AASS: variants seen among roughly 807,000 people sequenced by gnomAD.
The protein encoded by AASS is alpha-aminoadipic semialdehyde synthase, mitochondrial.
AASS carries 86 observed loss-of-function variants against 105.4 expected under a neutral mutation model. The ratio of observed to expected loss-of-function variants is 0.82; its 90% CI spans 0.69 to 0.98. AASS has a LOEUF of 0.98. Among genes scored for constraint, AASS ranks in the 50% least tolerant of loss-of-function variants. The probability of loss-of-function intolerance (pLI) is 0.00; values close to 1 mark genes in which losing one functional copy is unlikely to be tolerated. For missense variants in AASS, 1,048 were observed against 1,143.2 expected, an observed-to-expected ratio of 0.92 and a Z score of 1.20; for synonymous variants, 381 against 394.8, an observed-to-expected ratio of 0.96 and a Z score of 0.41.
intron 4 of AASS, among the ~76,000 whole-genome samples, chr7:122,123,205 C>G (rs1162253730): frequency 6.6e-6 from 1 of 152,186 alleles, no homozygotes; most frequent in East Asian, 1.9e-4. Flanking sequence ...TTCTGCATAG[C>G]TCCTCACTGT....
At chr7:122,116,385 T>C (rs1209056275) in intron 8 of AASS, among the ~76,000 whole-genome samples, 2 of 152,140 alleles carry the variant, frequency 1.3e-5, no homozygotes, top group Non-Finnish European at 2.9e-5. Flanking sequence ...ATTGGGCACA[T>C]GTAGACCTGA....
At chr7:122,133,232 G>A (rs970769963) in intron 2 of AASS, among the ~76,000 whole-genome samples, 1 of 152,096 alleles carries the variant, frequency 6.6e-6, no homozygotes, top group Non-Finnish European at 1.5e-5. Flanking sequence ...GGCAGGCAAG[G>A]TACATTCTCA....
chr7:122,139,106 C>G (rs1796275154), intron 1 of AASS, among the ~76,000 whole-genome samples: 1 of 152,188 alleles, frequency 6.6e-6, no homozygotes, highest in African/African-American at 2.4e-5. Context: ...AATATAAAAA[C>G]AGCTAGTCAT....
chr7:122,089,664 T>C (rs1364912246), intron 18 of AASS, among the ~76,000 whole-genome samples: 1 of 152,148 alleles, frequency 6.6e-6, no homozygotes, highest in East Asian at 1.9e-4. Flanking sequence ...CCTCACTGAC[T>C]AAGAACACTG....
intron 4 of AASS, among the ~76,000 whole-genome samples, chr7:122,125,260 T>A (rs1168690667): frequency 3.3e-5 from 5 of 152,158 alleles, no homozygotes; most frequent in African/African-American, 1.2e-4. Flanking sequence ...AATTTCACAT[T>A]TTTGCTTAGA....
At position 122,079,668 on chromosome 7, in the gene AASS, C is replaced by T. The variant is rs1270711081; in HGVS notation, c.2325G>A (p.Glu775=). 1.9e-6 allele frequency: 3 copies of T among 1,613,936 alleles called. No individual in the cohort carries two copies. The highest frequency in any genetic ancestry group is 2.5e-6 in the Non-Finnish European group (3 of 1,179,906). Reference sequence around the variant, plus strand: ...GAACAGCTTCCTTCAACACATCATGCTCAGAGGAGGGTGAAATCCCAACTA... The same window carrying T: ...GAACAGCTTCCTTCAACACATCATGTTCAGAGGAGGGTGAAATCCCAACTA... ...CDLVGISPSS[E]HDVLKEAVLK... is the part of the protein sequence containing the mutation. The change falls in exon 21 of 24, where the codon GAG becomes GAA. Residue 775 remains glutamate, a synonymous_variant. Coordinates refer to ENST00000417368, the MANE Select transcript of AASS (RefSeq NM_005763.4).
At chr7:122,107,998 T>C (rs932324581) in intron 11 of AASS, among the ~76,000 whole-genome samples, 3 of 144,890 alleles carry the variant, frequency 2.1e-5, no homozygotes, top group African/African-American at 7.6e-5. Context: ...TTACAACTTA[T>C]ACCACAGAAA....
In AASS at chr7:122,098,957, A is replaced by G. The variant is rs1307209686; in HGVS notation, c.1407-91T>C. 3.0e-6 allele frequency: 4 copies of G among 1,327,378 alleles called. No individual in the cohort carries two copies. In the African/African-American group the frequency reaches 6.0e-5, roughly 20 times the overall value. 82.2% of individuals were successfully genotyped at this position (1,327,378 alleles called of 1,614,324 possible). ...CAGAATCTTGCATTCCACAAATCATACTAAAACCTAAATAATGAAGCAACA... is the reference window on the plus strand; with the variant it reads ...CAGAATCTTGCATTCCACAAATCATGCTAAAACCTAAATAATGAAGCAACA... On this transcript the variant is annotated intron_variant, in intron 13 of 23. Transcript: ENST00000417368.
intron 19 of AASS, among the ~76,000 whole-genome samples, chr7:122,085,071 C>T (rs1793558478): frequency 6.6e-6 from 1 of 152,080 alleles, no homozygotes; most frequent in South Asian, 2.1e-4. Context: ...TTAGGGTGAA[C>T]CCTAAGTCCA....
chr7:122,121,588 CT>C (rs1795442005), intron 4 of AASS, among the ~76,000 whole-genome samples: 1 of 152,060 alleles, frequency 6.6e-6, no homozygotes, highest in Non-Finnish European at 1.5e-5. Context: ...AGAGATGGGA[CT>C]TCATCGTGTG....
At position 122,098,453 on chromosome 7, in the gene AASS, A is replaced by G. The variant is rs1442777174; in HGVS notation, c.1652T>C (p.Ile551Thr). 1 of 1,612,002 alleles carries G rather than the reference A, an allele frequency of 6.2e-7. No individual in the cohort carries two copies. Among genetic ancestry groups the G allele is most frequent in the Non-Finnish European group, 8.5e-7 (1 of 1,178,700 alleles). The change falls in exon 15 of 24, where the codon ATC (isoleucine) becomes ACC (threonine). Residue 551 changes from isoleucine to threonine, a missense_variant. By Grantham distance (89) the Ile-to-Thr change is moderately conservative. Coordinates refer to ENST00000417368, the MANE Select transcript of AASS (RefSeq NM_005763.4). ...GFLVAKQDLV[I>T]SLLPYVLHPL... ...TCATTTCTTGCCAGATACTGACCTG[A>G]TGACAAGATCCTGTTTTGCCACCAA...
intron 2 of AASS, among the ~76,000 whole-genome samples, chr7:122,132,299 G>A (rs187868811): frequency 5.5e-4 from 83 of 152,246 alleles, no homozygotes; most frequent in Non-Finnish European, 1.1e-3. Context: ...TGGAGGAGTG[G>A]AAGAGAAAGA....
intron 11 of AASS, among the ~76,000 whole-genome samples, chr7:122,106,590 A>C (rs1794677155): frequency 6.6e-6 from 1 of 152,132 alleles, no homozygotes; most frequent in African/African-American, 2.4e-5. Context: ...AGAGAGCTCA[A>C]AAATAAGGCC....
chr7:122,130,323 A>G (rs1314211537), intron 2 of AASS, among the ~76,000 whole-genome samples: 1 of 152,068 alleles, frequency 6.6e-6, no homozygotes, highest in African/African-American at 2.4e-5. Flanking sequence ...TTGAAGGCAT[A>G]TATAAAAATA....
chr7:122,132,945 C>A (rs1795976861), intron 2 of AASS, among the ~76,000 whole-genome samples: 1 of 152,032 alleles, frequency 6.6e-6, no homozygotes, highest in Non-Finnish European at 1.5e-5. Context: ...GGAATCTGAA[C>A]ATAGACTATA....
intron 14 of AASS, 69 bp from the exon 15 acceptor site, chr7:122,098,645 A>C (rs563906256): frequency 1.3e-6 from 2 of 1,583,454 alleles, no homozygotes; most frequent in Admixed American, 1.8e-5. Flanking sequence ...ATCTCCAAAA[A>C]TAAATTTTCA....
At chr7:122,103,448 T>C (rs1478553735) in intron 11 of AASS, among the ~76,000 whole-genome samples, 1 of 152,016 alleles carries the variant, frequency 6.6e-6, no homozygotes, top group Non-Finnish European at 1.5e-5. Context: ...AGCTGCTCTA[T>C]AAGAAATGCT....
chr7:122,092,962 T>C lies in AASS; in HGVS notation c.1767-11A>G. ...CCAGCATCTTCCACACTGCAGCAGG[T>C]GGAAAGAGGAAAAAGGAAAACTTGG... On this transcript the variant is annotated splice_polypyrimidine_tract_variant and intron_variant, in intron 16 of 23. Transcript: ENST00000417368. The C allele has an allele frequency of 6.2e-7, 1 of 1,613,548 alleles. No individual in the cohort carries two copies. The highest frequency in any genetic ancestry group is 8.5e-7 in the Non-Finnish European group (1 of 1,179,576).
At chr7:122,120,438 G>T (rs1346034885) in intron 4 of AASS, among the ~76,000 whole-genome samples, 2 of 151,890 alleles carry the variant, frequency 1.3e-5, no homozygotes, top group South Asian at 2.1e-4. Flanking sequence ...AGTAAATATT[G>T]TCTTCTCTCT....
Sources: gnomAD v4.1 joint callset for allele counts (sites outside exome capture counted in the v4.1 genomes callset) on GRCh38, gnomAD v4.1.1 for gene constraint, MANE v1.5 for transcripts, NCBI Gene and HGNC (gene_info 2026-07-23, HGNC 2026-07-21) for gene names.